The following MED12L variants were observed in gnomAD, a reference collection of about 807,000 sequenced individuals.
MED12L encodes the protein mediator of RNA polymerase II transcription subunit 12-like protein.
Under a neutral mutation model 281.3 loss-of-function variants are expected in MED12L, and 60 were observed. The ratio of observed to expected loss-of-function variants is 0.21; its 90% confidence interval spans 0.17 to 0.26. MED12L has a LOEUF of 0.26. MED12L is among the 10% of genes least tolerant of loss of function. MED12L has a pLI of 1.00. For missense variants in MED12L, 2,146 were observed against 2,680.9 expected, an observed-to-expected ratio of 0.80 and a Z score of 4.41; for synonymous variants, 974 against 987.2, an observed-to-expected ratio of 0.99 and a Z score of 0.25.
At chr3:151,431,096 C>T (rs1719455794) in intron 44 of MED12L, among the ~76,000 whole-genome samples, 1 of 152,144 alleles carries the variant, frequency 6.6e-6, no homozygotes. Context: ...GAAATGGGAG[C>T]AAGCTCCCTG....
At chr3:151,177,195 G>A (rs1424777699) in intron 11 of MED12L, among the ~76,000 whole-genome samples, 1 of 152,196 alleles carries the variant, frequency 6.6e-6, no homozygotes, top group Non-Finnish European at 1.5e-5. Context: ...ACAGAGGGTG[G>A]CAATGGCTGG....
At chr3:151,407,062 A>G (rs1047880314) in intron 39 of MED12L, among the ~76,000 whole-genome samples, 1 of 152,158 alleles carries the variant, frequency 6.6e-6, no homozygotes, top group Non-Finnish European at 1.5e-5. Context: ...CGGCCTCCCA[A>G]AATGCTGAGA....
At chr3:151,267,122 G>A (rs1207711574) in intron 16 of MED12L, among the ~76,000 whole-genome samples, 1 of 152,222 alleles carries the variant, frequency 6.6e-6, no homozygotes, top group Non-Finnish European at 1.5e-5. Context: ...CATTCTTGAA[G>A]TGAAGTTTAT....
Position 151,334,691 on chromosome 3 carries a change from G to A in MED12L, c.2251-15368G>A, listed in dbSNP as rs544227406. Among the ~76,000 whole-genome samples, 103 of 152,114 alleles carry A rather than the reference G, an allele frequency of 6.8e-4. 1 individual carries two copies. Among genetic ancestry groups the A allele is most frequent in the South Asian group, 6.2e-3 (30 of 4,826 alleles). Reference sequence around the variant, plus strand: ...ATTTTTATTTTTTTAGTAGAGACAGGGCTTCACCATGTTGGCCAGGCTGGT... The same window carrying A: ...ATTTTTATTTTTTTAGTAGAGACAGAGCTTCACCATGTTGGCCAGGCTGGT... On this transcript the variant is annotated intron_variant, in intron 16 of 44. Transcript: ENST00000687756.
chr3:151,110,373 A>G (rs933543402), intron 2 of MED12L, among the ~76,000 whole-genome samples: 1 of 152,196 alleles, frequency 6.6e-6, no homozygotes, highest in Non-Finnish European at 1.5e-5. Flanking sequence ...CTTGGGGTCT[A>G]AGGACTCCCT....
Position 151,133,648 on chromosome 3 carries a change from A to G in MED12L, c.556+5664A>G, listed in dbSNP as rs1212816205. 3.9e-5 allele frequency among the ~76,000 whole-genome samples: 6 copies of G among 152,170 alleles called. No individual in the cohort carries two copies. In the South Asian group the frequency reaches 6.2e-4, roughly 16 times the overall value. On this transcript the variant is annotated intron_variant, in intron 5 of 44. Coordinates refer to ENST00000687756, the MANE Select transcript of MED12L (RefSeq NM_001393769.1). ...GTGGACACGATGTTTAGAAAATGTC[A>G]TGAAATAGTTGATGTTGCTACTTGA...
intron 5 of MED12L, among the ~76,000 whole-genome samples, chr3:151,130,781 C>T (rs1296525533): frequency 6.6e-6 from 1 of 152,232 alleles, no homozygotes; most frequent in Non-Finnish European, 1.5e-5. Context: ...CAAAATATCT[C>T]CCTGTTACTG....
Position 151,211,855 on chromosome 3 carries a change from A to G in MED12L, c.2250+18189A>G, listed in dbSNP as rs559504167. Among the ~76,000 whole-genome samples the G allele has an allele frequency of 1.6e-4, 25 of 152,324 alleles. No individual in the cohort carries two copies. In the South Asian group the frequency reaches 4.8e-3, roughly 29 times the overall value. ...GAGACAGAGTTTCGCCATGTTGCCCAGGCTGGTCTTGAACTCCTGGACTTC... is the reference window on the plus strand; with the variant it reads ...GAGACAGAGTTTCGCCATGTTGCCCGGGCTGGTCTTGAACTCCTGGACTTC... On this transcript the variant is annotated intron_variant, in intron 16 of 44. Transcript: ENST00000687756.
chr3:151,124,412 A>G (rs1378732413), intron 4 of MED12L, among the ~76,000 whole-genome samples: 1 of 152,234 alleles, frequency 6.6e-6, no homozygotes, highest in Non-Finnish European at 1.5e-5. Context: ...TTCTTTATAA[A>G]ATGATTAAAT....
rs147695554 is a variant in MED12L, at chr3:151,372,688, C to A, written c.3786C>A (p.Ser1262=). ...GGACTGCCTCACAAAATCCAAAATC[C>A]TGTGGGAAAAGCATTTCCATAGAAA... The part of the protein sequence containing the change: ...DIWTASQNPK[S]CGKSISIETA... Residue 1262 remains serine, a synonymous_variant, in exon 27 of 45, where the codon TCC becomes TCA. Transcript: ENST00000687756. 20 of 1,613,802 alleles carry A rather than the reference C, an allele frequency of 1.2e-5. No individual in the cohort carries two copies. Among genetic ancestry groups the A allele is most frequent in the Non-Finnish European group, 1.7e-5 (20 of 1,179,874 alleles).
In MED12L at chr3:151,368,223, C is replaced by G; in HGVS notation, c.3522C>G (p.Pro1174=). Residue 1174 remains proline (P), a synonymous_variant, in exon 25 of 45, where the codon CCC becomes CCG. Coordinates refer to ENST00000687756, the MANE Select transcript of MED12L (RefSeq NM_001393769.1). The part of the protein sequence containing the change: ...CRLLLHLFRA[P]QACFLPQATG... ...TCTTGCTTCATCTCTTCCGAGCTCC[C>G]CAGGCCTGCTTCTTACCTCAAGCAA... 6.2e-7 allele frequency: 1 copy of G among 1,614,042 alleles called. No homozygotes were observed. The highest frequency in any genetic ancestry group is 8.5e-7 in the Non-Finnish European group (1 of 1,179,964).
intron 16 of MED12L, among the ~76,000 whole-genome samples, chr3:151,305,947 G>A (rs117358236): frequency 1.3e-5 from 2 of 152,274 alleles, no homozygotes; most frequent in East Asian, 1.9e-4. Context: ...GAACAATCCA[G>A]CACTATTAGT....
At chr3:151,304,493 G>A (rs1187939120) in intron 16 of MED12L, among the ~76,000 whole-genome samples, 1 of 152,020 alleles carries the variant, frequency 6.6e-6, no homozygotes, top group Non-Finnish European at 1.5e-5. Flanking sequence ...AGAATCGCTT[G>A]AACCCGGGAG....
At chr3:151,407,687 G>A (rs1560133665) in intron 39 of MED12L, among the ~76,000 whole-genome samples, 4 of 152,230 alleles carry the variant, frequency 2.6e-5, no homozygotes, top group Middle Eastern at 3.4e-3. Flanking sequence ...AGATACAATT[G>A]TTTTTTTAAC....
intron 5 of MED12L, among the ~76,000 whole-genome samples, chr3:151,154,946 C>T (rs953049814): frequency 2.6e-5 from 4 of 152,072 alleles, no homozygotes; most frequent in East Asian, 1.9e-4. Context: ...GGCTTGTTAC[C>T]GAAGTTTAAC....
chr3:151,218,060 T>C (rs191582953), intron 16 of MED12L, among the ~76,000 whole-genome samples: 169 of 152,348 alleles, frequency 1.1e-3, no homozygotes, highest in African/African-American at 3.8e-3. Context: ...TCCTTATCTT[T>C]AGTACAGATT....
intron 16 of MED12L, among the ~76,000 whole-genome samples, chr3:151,252,019 A>G (rs1289022944): frequency 2.6e-5 from 4 of 152,136 alleles, no homozygotes; most frequent in East Asian, 1.9e-4. Context: ...TCTGAGTTCT[A>G]TTTAACCTGT....
chr3:151,425,763 T>C, intron 43 of MED12L: 1 of 456,626 alleles, frequency 2.2e-6, no homozygotes, highest in South Asian at 1.5e-5. Context: ...GCAATTATCA[T>C]GTTAAACCAT....
intron 16 of MED12L, chr3:151,336,766 A>G: frequency 3.2e-6 from 1 of 313,728 alleles, no homozygotes; most frequent in South Asian, 2.6e-5. Context: ...TTAATTCTTA[A>G]ATGGATTTGA....
Sources: gnomAD v4.1 joint callset for allele counts (sites outside exome capture counted in the v4.1 genomes callset) on GRCh38, gnomAD v4.1.1 for gene constraint, MANE v1.5 for transcripts, NCBI Gene and HGNC (gene_info 2026-07-23, HGNC 2026-07-21) for gene names.